The following CFDP1 variants were observed in gnomAD, a reference collection of about 807,000 sequenced individuals.
CFDP1 encodes the protein chromatin remodeling protein CFDP1.
In CFDP1, 31 loss-of-function variants were observed where a neutral mutation model predicts 40.1. The ratio of observed to expected loss-of-function variants is 0.77; its 90% CI spans 0.58 to 1.04. CFDP1 has a LOEUF of 1.04. CFDP1 is among the 50% of genes least tolerant of loss of function. The pLI is 0.00. For missense variants in CFDP1, 423 were observed against 343.4 expected, an observed-to-expected ratio of 1.23 and a Z score of -1.83; for synonymous variants, 167 against 120.0, an observed-to-expected ratio of 1.39 and a Z score of -2.56.
At chr16:75,296,652 G>A (rs2078184468) in intron 6 of CFDP1, among the ~76,000 whole-genome samples, 1 of 152,240 alleles carries the variant, frequency 6.6e-6, no homozygotes, top group African/African-American at 2.4e-5. Context: ...ACTATCAAGA[G>A]TGAAGCCCAG....
intron 1 of CFDP1, among the ~76,000 whole-genome samples, chr16:75,418,461 C>T (rs1189386895): frequency 6.6e-6 from 1 of 151,680 alleles, no homozygotes; most frequent in Non-Finnish European, 1.5e-5. Context: ...CGTGCACCAC[C>T]TATGCCTGGC....
rs192542640 is a variant in CFDP1 at position 75,394,026 on chromosome 16, G to A, written c.650+1064C>T. 5.3e-4 allele frequency among the ~76,000 whole-genome samples: 80 copies of A among 152,218 alleles called. No individual in the cohort carries two copies. In the East Asian group the frequency reaches 0.011, roughly 22 times the overall value. On this transcript the variant is annotated intron_variant, in intron 5 of 6. Coordinates refer to ENST00000283882, the MANE Select transcript of CFDP1 (RefSeq NM_006324.3). Reference sequence around the variant, plus strand: ...GCCGAGATTGCGCCACTGCACTGCAGCCTGGGTGACAGAGCGAGACTCCAC... The same window carrying A: ...GCCGAGATTGCGCCACTGCACTGCAACCTGGGTGACAGAGCGAGACTCCAC...
chr16:75,427,989 C>T (rs1427942529), intron 1 of CFDP1, among the ~76,000 whole-genome samples: 5 of 152,082 alleles, frequency 3.3e-5, no homozygotes, highest in Non-Finnish European at 5.9e-5. Flanking sequence ...ATACAAAAAG[C>T]TGCCTACTGT....
At chr16:75,337,332 A>T (rs1480254095) in intron 5 of CFDP1, among the ~76,000 whole-genome samples, 1 of 152,180 alleles carries the variant, frequency 6.6e-6, no homozygotes, top group African/African-American at 2.4e-5. Flanking sequence ...CTGGCACTGG[A>T]AGGATGGTGG....
intron 6 of CFDP1, among the ~76,000 whole-genome samples, chr16:75,298,641 T>C (rs866910021): frequency 7.5e-4 from 114 of 152,304 alleles, no homozygotes; most frequent in African/African-American, 2.6e-3. Context: ...TGTACAGAGA[T>C]ACAGACTTTG....
chr16:75,356,892 G>A (rs2078647506), intron 5 of CFDP1, among the ~76,000 whole-genome samples: 1 of 147,316 alleles, frequency 6.8e-6, no homozygotes, highest in Non-Finnish European at 1.5e-5. Context: ...TCCATGTTAT[G>A]GAAACAGCTG....
chr16:75,339,741 T>G (rs1289630123), intron 5 of CFDP1, among the ~76,000 whole-genome samples: 1 of 152,150 alleles, frequency 6.6e-6, no homozygotes, highest in East Asian at 1.9e-4. Context: ...ATCTAACATA[T>G]TAGGGATTTG....
chr16:75,432,582 G>C (rs1220227534), intron 1 of CFDP1, among the ~76,000 whole-genome samples: 1 of 151,942 alleles, frequency 6.6e-6, no homozygotes, highest in East Asian at 1.9e-4. Context: ...GTAAAACAAA[G>C]AGAATAGGGA....
At chr16:75,372,952 T>C (rs756429519) in intron 5 of CFDP1, among the ~76,000 whole-genome samples, 1 of 152,280 alleles carries the variant, frequency 6.6e-6, no homozygotes, top group South Asian at 2.1e-4. Context: ...CTTTATCAAC[T>C]GTAAAAGAAA....
chr16:75,433,152 G>C lies in CFDP1; in HGVS notation c.64+137C>G, dbSNP rs984301003. On this transcript the variant is annotated intron_variant, in intron 1 of 6. Coordinates refer to ENST00000283882, the MANE Select transcript of CFDP1 (RefSeq NM_006324.3). ...CGGAGCGGCCGAGGATGAGGGGCCT[G>C]AGGGAGCGGACGCTCGAGAACAGGA... The C allele has an allele frequency of 4.5e-4, 346 of 771,416 alleles. 1 individual carries two copies. Among genetic ancestry groups the C allele is most frequent in the Admixed American group, 9.6e-4 (38 of 39,662 alleles). The allele number at this position is 771,416 out of a possible 1,614,324, so 47.8% of individuals were successfully genotyped here. A position where few individuals can be genotyped will look rare whatever the true frequency, so the allele number is the denominator to read the frequency against.
intron 4 of CFDP1, among the ~76,000 whole-genome samples, chr16:75,401,896 C>A (rs1386215068): frequency 6.6e-6 from 1 of 152,096 alleles, no homozygotes; most frequent in Non-Finnish European, 1.5e-5. Context: ...GCTCACAGTT[C>A]AGCAGAACAG....
intron 5 of CFDP1, among the ~76,000 whole-genome samples, chr16:75,393,461 T>G (rs1461271226): frequency 1.3e-5 from 2 of 152,042 alleles, no homozygotes; most frequent in Non-Finnish European, 2.9e-5. Context: ...AGCTCACACT[T>G]TTTTAGGAAA....
At chr16:75,411,751 A>G (rs1230910846) in intron 4 of CFDP1, 74 bp downstream of exon 4, 1 of 1,383,254 alleles carries the variant, frequency 7.2e-7, no homozygotes, top group Non-Finnish European at 1.0e-6. Context: ...AAGAGGATAG[A>G]TGGCTAACAC....
intron 5 of CFDP1, among the ~76,000 whole-genome samples, chr16:75,368,911 C>G (rs1029901392): frequency 1.3e-5 from 2 of 152,056 alleles, no homozygotes; most frequent in Admixed American, 1.3e-4. Flanking sequence ...GATACTTACA[C>G]ATTTTCATTG....
Position 75,395,175 on chromosome 16 carries a change from C to A in CFDP1, c.565G>T (p.Ala189Ser). 1 of 1,613,544 alleles carries A rather than the reference C, an allele frequency of 6.2e-7. No individual in the cohort carries two copies. Reference protein sequence around the residue: ...TKEVDATSKEAKSFFKQNEKE... With the variant: ...TKEVDATSKESKSFFKQNEKE... Reference sequence around the variant, plus strand: ...TCATTCTGCTTGAAGAAGGATTTGGCCTCTTTAGATGTAGCATCCACTTCC... The same window carrying A: ...TCATTCTGCTTGAAGAAGGATTTGGACTCTTTAGATGTAGCATCCACTTCC... The change falls in exon 5 of 7, where the codon GCC becomes TCC. Residue 189 changes from alanine (A) to serine (S), a missense_variant. By Grantham distance (99) the Ala-to-Ser change is moderately conservative. Transcript: ENST00000283882.
chr16:75,350,568 C>A (rs913884167), intron 5 of CFDP1, among the ~76,000 whole-genome samples: 6 of 152,128 alleles, frequency 3.9e-5, no homozygotes, highest in African/African-American at 1.4e-4. Context: ...TTGGCCATAA[C>A]TTAAGTAGAG....
At chr16:75,339,521 A>C (rs1439897990) in intron 5 of CFDP1, among the ~76,000 whole-genome samples, 1 of 152,038 alleles carries the variant, frequency 6.6e-6, no homozygotes, top group African/African-American at 2.4e-5. Flanking sequence ...GTGCTTGCTC[A>C]TGGCTGTCTA....
intron 5 of CFDP1, among the ~76,000 whole-genome samples, chr16:75,357,638 C>T (rs888728448): frequency 1.3e-5 from 2 of 152,168 alleles, no homozygotes; most frequent in Non-Finnish European, 2.9e-5. Flanking sequence ...CTCCCTCAGC[C>T]TTCATAGAAT....
intron 5 of CFDP1, among the ~76,000 whole-genome samples, chr16:75,376,819 C>CT (rs1260858842): frequency 3.9e-5 from 6 of 152,216 alleles, no homozygotes; most frequent in Non-Finnish European, 8.8e-5. Flanking sequence ...ATGACAACAC[C>CT]TGAGAGTTAC....
Sources: allele counts gnomAD v4.1 joint callset (sites outside exome capture counted in the v4.1 genomes callset), GRCh38; gene constraint gnomAD v4.1.1; transcripts MANE v1.5; gene names NCBI Gene and HGNC (gene_info 2026-07-23, HGNC 2026-07-21).